The following PRELID2 variants were observed in gnomAD, a reference collection of about 807,000 sequenced individuals.
PRELID2 encodes the protein PRELI domain containing 2, also known as PRELI domain-containing protein 2.
PRELID2 carries 25 observed loss-of-function variants against 28.4 expected under a neutral mutation model. The ratio of observed to expected loss-of-function variants is 0.88; its 90% confidence interval spans 0.64 to 1.23. The LOEUF (loss-of-function observed/expected upper bound fraction) is 1.23, where lower values mean the gene tolerates loss of function less well. Among genes scored for constraint, PRELID2 ranks in the 50% most tolerant of loss-of-function variants. The probability of loss-of-function intolerance (pLI) is 0.00; values close to 1 mark genes in which losing one functional copy is unlikely to be tolerated. For missense variants in PRELID2, 201 were observed against 214.4 expected, an observed-to-expected ratio of 0.94 and a Z score of 0.39; for synonymous variants, 76 against 71.6, an observed-to-expected ratio of 1.06 and a Z score of -0.31.
chr5:145,438,528 G>A, the PRELID2 span, among the ~76,000 whole-genome samples: 1 of 152,056 alleles, frequency 6.6e-6, no homozygotes, highest in Non-Finnish European at 1.5e-5. Flanking sequence ...ATTTTACAGA[G>A]ATGTGTCATC....
At position 145,757,816 on chromosome 5, in the gene PRELID2, GAAAA is replaced by G. The variant is rs199568370; in HGVS notation, c.*2716_*2719del. ...GACCCTATCTCAAAAAAAAGTAAAT[GAAAA>G]AAAAAAAAAAAAAGACCATAAAATT... is the stretch of plus-strand genomic sequence containing the variant. On this transcript the variant is annotated 3_prime_UTR_variant, in exon 7 of 7. Transcript: ENST00000683046. Among the ~76,000 whole-genome samples the G allele has an allele frequency of 1.8e-5, 1 of 55,118 alleles. No homozygotes were observed. Among genetic ancestry groups the G allele is most frequent in the Admixed American group, 1.8e-4 (1 of 5,488 alleles). The allele number at this position is 55,118 out of a possible 152,430, so 36.2% of individuals were successfully genotyped here. A position where few individuals can be genotyped will look rare whatever the true frequency, so the allele number is the denominator to read the frequency against.
intron 4 of PRELID2, among the ~76,000 whole-genome samples, chr5:145,815,666 T>C (rs569855562): frequency 6.6e-6 from 1 of 152,366 alleles, no homozygotes; most frequent in East Asian, 1.9e-4. Context: ...ATACAATATG[T>C]GGCCTTTTGT....
chr5:145,294,784 T>TA, the PRELID2 span, among the ~76,000 whole-genome samples: 280 of 152,294 alleles, frequency 1.8e-3, no homozygotes, highest in African/African-American at 6.4e-3. Flanking sequence ...TTTCTGCATT[T>TA]AATGCCATAT....
chr5:145,350,239 T>A, the PRELID2 span, among the ~76,000 whole-genome samples: 3 of 152,228 alleles, frequency 2.0e-5, no homozygotes, highest in Non-Finnish European at 4.4e-5. Flanking sequence ...CTTAATTTTA[T>A]TTTGTTATTT....
chr5:145,490,159 A>C (rs1752256696), intron 1 of PRELID2, among the ~76,000 whole-genome samples: 1 of 152,250 alleles, frequency 6.6e-6, no homozygotes, highest in South Asian at 2.1e-4. Context: ...TTGATAAATC[A>C]GCTTGTTAAT....
intron 4 of PRELID2, among the ~76,000 whole-genome samples, chr5:145,799,515 G>C (rs1337085084): frequency 1.3e-5 from 2 of 152,120 alleles, no homozygotes; most frequent in African/African-American, 4.8e-5. Flanking sequence ...ACACAGGCAA[G>C]TGGGAGTGTG....
the PRELID2 span, among the ~76,000 whole-genome samples, chr5:145,362,619 A>T: frequency 2.0e-5 from 3 of 152,184 alleles, no homozygotes; most frequent in Non-Finnish European, 4.4e-5. Context: ...GATGAAAATA[A>T]AACAAATCTT....
At chr5:145,725,773 A>G (rs1275958570) in intron 1 of PRELID2, among the ~76,000 whole-genome samples, 2 of 152,210 alleles carry the variant, frequency 1.3e-5, no homozygotes, top group South Asian at 2.1e-4. Context: ...ATTGCCTTCA[A>G]TGATTATATC....
intron 4 of PRELID2, 46 bp downstream of exon 4, chr5:145,817,848 C>T (rs6870210): frequency 0.64 from 935,560 of 1,459,322 alleles, 310,165 homozygotes; most frequent in Non-Finnish European, 0.69. Flanking sequence ...ACTCATGTGT[C>T]CATCCCTGCA....
intron 5 of PRELID2, among the ~76,000 whole-genome samples, chr5:145,782,361 A>C (rs946665121): frequency 3.3e-5 from 5 of 152,210 alleles, no homozygotes; most frequent in African/African-American, 1.2e-4. Flanking sequence ...ACTTTGTGCA[A>C]GGAATTGGAC....
chr5:145,371,883 AT>A, the PRELID2 span, among the ~76,000 whole-genome samples: 9 of 75,182 alleles, frequency 1.2e-4, no homozygotes, highest in East Asian at 9.1e-4. Flanking sequence ...TATTTTGTTA[AT>A]TTAAAAAAAA....
intron 1 of PRELID2, among the ~76,000 whole-genome samples, chr5:145,659,328 A>C (rs976351613): frequency 6.6e-6 from 1 of 152,198 alleles, no homozygotes; most frequent in African/African-American, 2.4e-5. Context: ...TCACAATTAG[A>C]AACTTCCTTG....
In PRELID2 at chr5:145,637,810, C is replaced by CTTTT. The variant is rs547110066; in HGVS notation, n.70+127117_70+127120dup. ...ACAGTGATACAAACACAAAACCATT[C>CTTTT]TTTTTTTTTTTTTTTTTTGAGATGG... On this transcript the variant is annotated intron_variant and non_coding_transcript_variant, in intron 1 of 2. Transcript: ENST00000510259. Among the ~76,000 whole-genome samples the CTTTT allele has an allele frequency of 1.1e-3, 143 of 130,734 alleles. 1 individual carries two copies. The highest frequency in any genetic ancestry group is 4.1e-3 in the African/African-American group (141 of 34,222). The allele number at this position is 130,734 out of a possible 152,430, so 85.8% of individuals were successfully genotyped here. A position where few individuals can be genotyped will look rare whatever the true frequency, so the allele number is the denominator to read the frequency against.
chr5:145,389,363 G>A, the PRELID2 span, among the ~76,000 whole-genome samples: 1 of 152,062 alleles, frequency 6.6e-6, no homozygotes, highest in Non-Finnish European at 1.5e-5. Context: ...AATTGGTAAT[G>A]AGGCAACTCA....
chr5:145,817,892 A>C lies in PRELID2; in HGVS notation c.368+2T>G. The C allele has an allele frequency of 6.5e-7, 1 of 1,542,486 alleles. No individual in the cohort carries two copies. Among genetic ancestry groups the C allele is most frequent in the South Asian group, 1.3e-5 (1 of 77,804 alleles). On this transcript the variant is annotated splice_donor_variant, in intron 4 of 6. Coordinates refer to ENST00000683046, the MANE Select transcript of PRELID2 (RefSeq NM_205846.3). LOFTEE classifies it high-confidence loss of function. ...ACACACACATATACACACGAGTCTT[A>C]CCAATTTGGGTTTTCCATACTTTCC...
At chr5:145,399,270 G>A in the PRELID2 span, among the ~76,000 whole-genome samples, 4 of 152,068 alleles carry the variant, frequency 2.6e-5, no homozygotes, top group Admixed American at 2.6e-4. Flanking sequence ...TTGATTACAT[G>A]GGGGTTGGAA....
chr5:145,375,733 G>A, the PRELID2 span, among the ~76,000 whole-genome samples: 1 of 152,138 alleles, frequency 6.6e-6, no homozygotes, highest in Non-Finnish European at 1.5e-5. Context: ...TCATGGTCAG[G>A]CCTGAAAAGG....
intron 1 of PRELID2, among the ~76,000 whole-genome samples, chr5:145,561,790 T>C (rs984558297): frequency 6.6e-6 from 1 of 152,210 alleles, no homozygotes; most frequent in African/African-American, 2.4e-5. Context: ...TTTGCATGAA[T>C]GCCTCTTATG....
chr5:145,809,821 G>A (rs967381222), intron 4 of PRELID2, among the ~76,000 whole-genome samples: 1 of 152,230 alleles, frequency 6.6e-6, no homozygotes, highest in Non-Finnish European at 1.5e-5. Flanking sequence ...TATGCTGGAA[G>A]AGTAAAGCTG....
Sources: allele counts gnomAD v4.1 joint callset (sites outside exome capture counted in the v4.1 genomes callset), GRCh38; gene constraint gnomAD v4.1.1; transcripts MANE v1.5; gene names NCBI Gene and HGNC (gene_info 2026-07-23, HGNC 2026-07-21).